RANBP2: variants seen among roughly 807,000 people sequenced by gnomAD.
The protein encoded by RANBP2 is RAN binding protein 2.
In RANBP2, 57 loss-of-function variants were observed where a neutral mutation model predicts 303.6. That is an observed-to-expected ratio of 0.19 (90% CI 0.15 to 0.23). The LOEUF (loss-of-function observed/expected upper bound fraction) is 0.23, where lower values mean the gene tolerates loss of function less well. RANBP2 is among the 10% of genes least tolerant of loss of function. The pLI is 1.00. For synonymous variants in RANBP2, 1,167 were observed against 1,301.5 expected, an observed-to-expected ratio of 0.90 and a Z score of 2.23; for missense variants, 3,138 against 3,780.8, an observed-to-expected ratio of 0.83 and a Z score of 4.46.
chr2:108,934,386 A>G, the RANBP2 span, among the ~76,000 whole-genome samples: 55 of 152,198 alleles, frequency 3.6e-4, no homozygotes, highest in Non-Finnish European at 6.2e-4. Context: ...GGGATCCCCA[A>G]TCTCCATCAG....
the RANBP2 span, among the ~76,000 whole-genome samples, chr2:109,023,402 G>A: frequency 1.3e-5 from 2 of 152,178 alleles, no homozygotes; most frequent in African/African-American, 4.8e-5. Context: ...TAGAAAATTT[G>A]TATGCACAAA....
At chr2:109,214,821 T>G in the RANBP2 span, among the ~76,000 whole-genome samples, 11 of 152,182 alleles carry the variant, frequency 7.2e-5, no homozygotes, top group Admixed American at 1.3e-4. Context: ...GATCTATGTA[T>G]ATTGGAGACT....
At chr2:108,977,971 C>T in the RANBP2 span, among the ~76,000 whole-genome samples, 1 of 152,232 alleles carries the variant, frequency 6.6e-6, no homozygotes, top group African/African-American at 2.4e-5. Flanking sequence ...GCAGATGAAA[C>T]TCCTCAGGGA....
the RANBP2 span, among the ~76,000 whole-genome samples, chr2:109,285,514 A>C: frequency 5.3e-5 from 8 of 152,168 alleles, no homozygotes; most frequent in African/African-American, 1.9e-4. Flanking sequence ...ATGCTGGGGC[A>C]CTTGGACTGC....
At chr2:108,930,079 C>T in the RANBP2 span, 1 of 1,594,186 alleles carries the variant, frequency 6.3e-7, no homozygotes, top group South Asian at 1.1e-5. Context: ...AGGAGGCCTC[C>T]CCTGAGAGCG....
At chr2:108,760,565 G>A (rs1181390006) in intron 18 of RANBP2, among the ~76,000 whole-genome samples, 6 of 152,030 alleles carry the variant, frequency 3.9e-5, no homozygotes, top group South Asian at 4.1e-4. Flanking sequence ...TGCCATTTTC[G>A]CACTTTGCTA....
the RANBP2 span, among the ~76,000 whole-genome samples, chr2:109,506,995 G>T: frequency 6.6e-6 from 1 of 152,208 alleles, no homozygotes; most frequent in African/African-American, 2.4e-5. Flanking sequence ...GGCCTTGACG[G>T]CTGGGCAGGG....
At chr2:108,759,083 T>C (rs976097386) in intron 18 of RANBP2, among the ~76,000 whole-genome samples, 6 of 151,252 alleles carry the variant, frequency 4.0e-5, no homozygotes, top group Admixed American at 6.6e-5. Context: ...ATACTTGCCT[T>C]ACATAATTAC....
the RANBP2 span, among the ~76,000 whole-genome samples, chr2:108,974,811 C>A: frequency 6.6e-6 from 1 of 152,148 alleles, no homozygotes; most frequent in Non-Finnish European, 1.5e-5. Context: ...CTTGAAATAG[C>A]CAGCAAATGG....
chr2:109,739,663 C>T, the RANBP2 span, among the ~76,000 whole-genome samples: 1 of 152,110 alleles, frequency 6.6e-6, no homozygotes, highest in Non-Finnish European at 1.5e-5. Context: ...ATCATATCAC[C>T]TGCAAACAAG....
chr2:109,133,540 T>C, the RANBP2 span, among the ~76,000 whole-genome samples: 1 of 152,200 alleles, frequency 6.6e-6, no homozygotes, highest in Admixed American at 6.5e-5. Flanking sequence ...TTTATGATTT[T>C]CTATTTGTTT....
chr2:109,275,717 T>C, the RANBP2 span, among the ~76,000 whole-genome samples: 1 of 152,220 alleles, frequency 6.6e-6, no homozygotes, highest in Non-Finnish European at 1.5e-5. Context: ...CTCATCTCGC[T>C]GTTTGCCGGG....
chr2:108,944,471 AATG>A, the RANBP2 span, among the ~76,000 whole-genome samples: 25 of 152,338 alleles, frequency 1.6e-4, no homozygotes, highest in Non-Finnish European at 1.0e-4. Context: ...CTGCGGCAAC[AATG>A]GCCATGGAGC....
chr2:108,752,454 A>G (rs573811133), intron 12 of RANBP2, among the ~76,000 whole-genome samples: 13 of 151,986 alleles, frequency 8.6e-5, no homozygotes, highest in Admixed American at 4.6e-4. Context: ...CTACGTTAGG[A>G]TGGTATCATT....
chr2:109,501,626 C>T, the RANBP2 span: 93 of 777,874 alleles, frequency 1.2e-4, no homozygotes, highest in East Asian at 1.8e-3. Flanking sequence ...TGCAGCGGAA[C>T]GGCCGCACAG....
the RANBP2 span, among the ~76,000 whole-genome samples, chr2:109,706,734 G>C: frequency 1.3e-5 from 2 of 152,252 alleles, no homozygotes; most frequent in Non-Finnish European, 2.9e-5. Context: ...ATAAGTATTT[G>C]TCTGATAAGC....
chr2:109,155,515 G>C, the RANBP2 span, among the ~76,000 whole-genome samples: 1 of 152,058 alleles, frequency 6.6e-6, no homozygotes, highest in Non-Finnish European at 1.5e-5. Context: ...GTTAGCCAGG[G>C]TGGTCTCGAT....
At chr2:109,046,799 G>A in the RANBP2 span, among the ~76,000 whole-genome samples, 2 of 152,146 alleles carry the variant, frequency 1.3e-5, no homozygotes, top group Non-Finnish European at 2.9e-5. Context: ...CTCCTGTGGT[G>A]TTATGTCTGG....
the RANBP2 span, among the ~76,000 whole-genome samples, chr2:108,811,245 C>CTTTTTTTTTTTTTTTTTT: frequency 2.6e-4 from 29 of 109,594 alleles, no homozygotes; most frequent in African/African-American, 1.2e-3. Flanking sequence ...CTTTCTCTCT[C>CTTTTTTTTTTTTTTTTTT]TCTTTTTTTT....
Sources: gnomAD v4.1 joint callset for allele counts (sites outside exome capture counted in the v4.1 genomes callset) on GRCh38, gnomAD v4.1.1 for gene constraint, MANE v1.5 for transcripts, NCBI Gene and HGNC (gene_info 2026-07-23, HGNC 2026-07-21) for gene names.